The following ANKS1B variants were observed in gnomAD, a reference collection of about 807,000 sequenced individuals.
The protein encoded by ANKS1B is ankyrin repeat and sterile alpha motif domain-containing protein 1B.
ANKS1B carries 36 observed loss-of-function variants against 148.3 expected under a neutral mutation model. That is an observed-to-expected ratio of 0.24 (90% CI 0.19 to 0.32). The LOEUF is 0.32. Among genes scored for constraint, ANKS1B ranks in the 10% least tolerant of loss-of-function variants. The pLI is 1.00. For synonymous variants in ANKS1B, 542 were observed against 560.8 expected (o/e 0.97, Z 0.47); for missense variants, 1,157 against 1,542.6 (o/e 0.75, Z 4.19).
chr12:98,857,370 G>T (rs772985644), intron 17 of ANKS1B, among the ~76,000 whole-genome samples: 3 of 152,166 alleles, frequency 2.0e-5, no homozygotes, highest in African/African-American at 4.8e-5. Context: ...TAATGACCTC[G>T]GCAGCCAGGA....
At position 99,698,886 on chromosome 12, in the gene ANKS1B, C is replaced by T. The variant is rs141965048; in HGVS notation, c.1129-43676G>A. On this transcript the variant is annotated intron_variant, in intron 8 of 26. Coordinates refer to ENST00000683438, the MANE Select transcript of ANKS1B (RefSeq NM_001352186.2). ...CTTAATAGATATCCAGATATACACA[C>T]TCTGCCCATGGTTTTCTTTATCAGA... Among the ~76,000 whole-genome samples, 1,245 of 152,246 alleles carry T rather than the reference C, an allele frequency of 8.2e-3. 24 individuals are homozygous for T. Among genetic ancestry groups the T allele is most frequent in the African/African-American group, 0.028 (1,145 of 41,548 alleles).
At chr12:99,489,351 G>C (rs962447191) in intron 10 of ANKS1B, among the ~76,000 whole-genome samples, 1 of 151,756 alleles carries the variant, frequency 6.6e-6, no homozygotes, top group African/African-American at 2.4e-5. Context: ...TATTAAATTA[G>C]TTGCTGCAAT....
intron 9 of ANKS1B, among the ~76,000 whole-genome samples, chr12:99,597,702 A>T (rs2097769415): frequency 6.6e-6 from 1 of 152,086 alleles, no homozygotes; most frequent in Non-Finnish European, 1.5e-5. Flanking sequence ...AAATCAGTTA[A>T]TCCTATATCA....
chr12:98,829,163 T>C lies in ANKS1B; in HGVS notation c.3066+11A>G. The stretch of plus-strand genomic sequence containing the variant: ...GGTTGAAAAATATCACAAAGGCTTA[T>C]AACACCTTACCTGAGCCATCTGCCT... On this transcript the variant is annotated intron_variant, in intron 19 of 26. Transcript: ENST00000683438. The surrounding 1 kb of genome is among the most constrained non-coding windows in gnomAD (Gnocchi z 5.2). The C allele has an allele frequency of 6.2e-7, 1 of 1,613,978 alleles. No homozygotes were observed. The highest frequency in any genetic ancestry group is 8.5e-7 in the Non-Finnish European group (1 of 1,179,840).
At chr12:99,167,814 T>C (rs1160624747) in intron 14 of ANKS1B, among the ~76,000 whole-genome samples, 1 of 152,174 alleles carries the variant, frequency 6.6e-6, no homozygotes, top group Admixed American at 6.6e-5. Flanking sequence ...CATCAACAGA[T>C]GAATGGATAA....
At chr12:99,764,367 T>C (rs1005862772) in intron 8 of ANKS1B, among the ~76,000 whole-genome samples, 6 of 152,190 alleles carry the variant, frequency 3.9e-5, no homozygotes, top group Non-Finnish European at 5.9e-5. Flanking sequence ...ATAATATATA[T>C]AGACAAAACA....
At chr12:98,768,060 C>G (rs957644167) in intron 25 of ANKS1B, among the ~76,000 whole-genome samples, 1 of 152,126 alleles carries the variant, frequency 6.6e-6, no homozygotes, top group Non-Finnish European at 1.5e-5. Context: ...CCCTCTTCCC[C>G]AAGTTCTCAC....
At chr12:99,340,420 A>G (rs1185777207) in intron 12 of ANKS1B, among the ~76,000 whole-genome samples, 1 of 152,142 alleles carries the variant, frequency 6.6e-6, no homozygotes, top group Non-Finnish European at 1.5e-5. Flanking sequence ...GTCATGTATC[A>G]CCTAACAACA....
chr12:99,179,532 G>A (rs2078863219), intron 14 of ANKS1B, among the ~76,000 whole-genome samples: 2 of 151,712 alleles, frequency 1.3e-5, no homozygotes, highest in Admixed American at 1.3e-4. Context: ...TTACAAGAGT[G>A]CCATGCATTC....
intron 12 of ANKS1B, among the ~76,000 whole-genome samples, chr12:99,290,053 C>G (rs1032019985): frequency 1.3e-5 from 2 of 150,708 alleles, no homozygotes; most frequent in Non-Finnish European, 3.0e-5. Context: ...ACTAAAAAGG[C>G]CTAAATACAA....
At chr12:99,230,155 T>A (rs998609393) in intron 14 of ANKS1B, among the ~76,000 whole-genome samples, 1 of 152,066 alleles carries the variant, frequency 6.6e-6, no homozygotes, top group Non-Finnish European at 1.5e-5. Flanking sequence ...TATGAAGAAG[T>A]GAAATTCAGA....
At chr12:99,895,711 A>G (rs2093357764) in intron 1 of ANKS1B, among the ~76,000 whole-genome samples, 1 of 151,072 alleles carries the variant, frequency 6.6e-6, no homozygotes, top group African/African-American at 2.4e-5. Flanking sequence ...CCTGCTTAAC[A>G]CACCAGCACA....
chr12:99,593,169 G>A (rs1341373766), intron 9 of ANKS1B, among the ~76,000 whole-genome samples: 1 of 151,942 alleles, frequency 6.6e-6, no homozygotes, highest in Non-Finnish European at 1.5e-5. Context: ...CCCCATCATG[G>A]CCAGAACCAG....
intron 17 of ANKS1B, among the ~76,000 whole-genome samples, chr12:98,963,971 T>C (rs1228295477): frequency 6.6e-6 from 1 of 152,094 alleles, no homozygotes; most frequent in Non-Finnish European, 1.5e-5. Flanking sequence ...TGGTGGCCCA[T>C]GCCTGTAATC....
intron 9 of ANKS1B, among the ~76,000 whole-genome samples, chr12:99,595,815 T>C (rs779151499): frequency 9.2e-5 from 14 of 151,972 alleles, no homozygotes; most frequent in Non-Finnish European, 1.5e-4. Flanking sequence ...TACTAAAATA[T>C]GCAACTAATC....
At chr12:99,687,567 T>G (rs1425553844) in intron 8 of ANKS1B, among the ~76,000 whole-genome samples, 1 of 152,146 alleles carries the variant, frequency 6.6e-6, no homozygotes, top group African/African-American at 2.4e-5. Context: ...TGCTAGATCC[T>G]CAAGTTCACT....
chr12:99,647,990 T>C, intron 9 of ANKS1B: 1 of 738,830 alleles, frequency 1.4e-6, no homozygotes, highest in Non-Finnish European at 2.1e-6. Flanking sequence ...GTCTCTGGCA[T>C]TGAGCGGTTG....
intron 17 of ANKS1B, among the ~76,000 whole-genome samples, chr12:98,988,291 C>G (rs2099924602): frequency 6.6e-6 from 1 of 152,172 alleles, no homozygotes; most frequent in Non-Finnish European, 1.5e-5. Flanking sequence ...CTAGTAATCA[C>G]CATTCTACTC....
At chr12:98,971,979 C>T (rs113406420) in intron 17 of ANKS1B, among the ~76,000 whole-genome samples, 5,337 of 152,138 alleles carry the variant, frequency 0.035, 245 homozygotes, top group African/African-American at 0.1. Context: ...ACTAGCCTGG[C>T]CAACATGGTC....
Sources: allele counts gnomAD v4.1 joint callset (sites outside exome capture counted in the v4.1 genomes callset), GRCh38; gene constraint gnomAD v4.1.1; non-coding constraint Gnocchi (gnomAD v3.1); transcripts MANE v1.5; gene names NCBI Gene and HGNC (gene_info 2026-07-23, HGNC 2026-07-21).